RNF213: variants seen among roughly 807,000 people sequenced by gnomAD.
RNF213 encodes E3 ubiquitin-protein ligase RNF213.
In RNF213, 341 loss-of-function variants were observed where a neutral mutation model predicts 514.4. The ratio of observed to expected loss-of-function variants is 0.66; its 90% confidence interval spans 0.61 to 0.73. The LOEUF (loss-of-function observed/expected upper bound fraction) is 0.73, where lower values mean the gene tolerates loss of function less well. RNF213 is among the 30% of genes least tolerant of loss of function. The probability of loss-of-function intolerance (pLI) is 0.00; values close to 1 mark genes in which losing one functional copy is unlikely to be tolerated. For missense variants in RNF213, 5,767 were observed against 6,615.6 expected (o/e 0.87, Z 4.45); for synonymous variants, 2,655 against 2,658.2 (o/e 1.00, Z 0.04).
At chr17:80,359,963 T>G in intron 37 of RNF213, 98 bp from the exon 38 acceptor site, 1 of 1,307,646 alleles carries the variant, frequency 7.6e-7, no homozygotes, top group Non-Finnish European at 1.1e-6. Context: ...CCTTTGTTTT[T>G]GAGGTCTGAG....
chr17:80,311,627 A>G (rs2045577119), intron 14 of RNF213, among the ~76,000 whole-genome samples: 1 of 151,918 alleles, frequency 6.6e-6, no homozygotes, highest in South Asian at 2.1e-4. Context: ...GGCCCTTCCC[A>G]GGTATAGTGA....
At chr17:80,276,013 G>A (rs2145177843) in intron 3 of RNF213, among the ~76,000 whole-genome samples, 1 of 151,326 alleles carries the variant, frequency 6.6e-6, no homozygotes, top group Admixed American at 6.6e-5. Context: ...GGTGTTTAAG[G>A]AAATCTCTAT....
In RNF213 at chr17:80,336,313, T is replaced by G; in HGVS notation, c.4462T>G (p.Phe1488Val). The G allele has an allele frequency of 6.5e-7, 1 of 1,537,254 alleles. No individual in the cohort carries two copies. Among genetic ancestry groups the G allele is most frequent in the Non-Finnish European group, 8.7e-7 (1 of 1,146,920 alleles). Residue 1488 changes from phenylalanine (F) to valine (V), a missense_variant, in exon 23 of 68, where the codon TTC becomes GTC. Phe to Val is a conservative substitution (Grantham distance 50). Coordinates refer to ENST00000582970, the MANE Select transcript of RNF213 (RefSeq NM_001256071.3). ...KLDPSVDFSA[F>V]MKHLKKLWKA... ...GGACCCCAGCGTGGACTTCAGTGCATTCATGAAGCATCTGAAAAAGCTGTG... is the reference window on the plus strand; with the variant it reads ...GGACCCCAGCGTGGACTTCAGTGCAGTCATGAAGCATCTGAAAAAGCTGTG...
intron 28 of RNF213, 70 bp downstream of exon 28, chr17:80,344,085 A>T (rs2078239488): frequency 6.5e-7 from 1 of 1,544,188 alleles, no homozygotes; most frequent in African/African-American, 1.4e-5. Context: ...ACTGAAGTGG[A>T]ATGGCGCGTT....
chr17:80,296,033 C>T (rs2044930441), intron 10 of RNF213, among the ~76,000 whole-genome samples: 1 of 151,900 alleles, frequency 6.6e-6, no homozygotes, highest in African/African-American at 2.4e-5. Context: ...CTTTTGTTTT[C>T]CCCCCAGACG....
intron 7 of RNF213, 74 bp from the exon 8 acceptor site, chr17:80,291,554 T>A: frequency 7.0e-7 from 1 of 1,434,968 alleles, no homozygotes; most frequent in South Asian, 1.2e-5. Flanking sequence ...TTGCACTCCA[T>A]GCTACGTTTG....
rs546855705 is a variant in RNF213 at position 80,288,907 on chromosome 17, GGA to G, written c.933+160_933+161del. ...GCCTTCGGGGTGCTCACATTCCAGCGGAGAGAGAGTCAGGAAACCGACTTCAG... is the reference window on the plus strand; with the variant it reads ...GCCTTCGGGGTGCTCACATTCCAGCGGAGAGAGTCAGGAAACCGACTTCAG... On this transcript the variant is annotated intron_variant, in intron 5 of 67. Transcript: ENST00000582970. This position sits in a 1 kb window ranked among gnomAD's most constrained non-coding sequence, Gnocchi z 4.9. The G allele has an allele frequency of 1.4e-5, 20 of 1,386,844 alleles. No individual in the cohort carries two copies. The highest frequency in any genetic ancestry group is 7.2e-5 in the African/African-American group (5 of 69,704). 85.9% of individuals were successfully genotyped at this position (1,386,844 alleles called of 1,614,324 possible).
intron 3 of RNF213, among the ~76,000 whole-genome samples, chr17:80,283,035 C>T (rs549717423): frequency 4.6e-5 from 7 of 152,212 alleles, no homozygotes; most frequent in African/African-American, 1.7e-4. Context: ...ATCCTAAAAG[C>T]TCTAGAAAAT....
intron 36 of RNF213, among the ~76,000 whole-genome samples, chr17:80,356,916 T>C (rs868711444): frequency 8.4e-6 from 1 of 118,632 alleles, no homozygotes; most frequent in Admixed American, 8.2e-5. Flanking sequence ...ATTAATTACC[T>C]TGTGGGGTTT....
rs2078626797 is a variant in RNF213 at position 80,353,855 on chromosome 17, C to T, written c.10579-164C>T. 1.7e-6 allele frequency: 2 copies of T among 1,186,930 alleles called. No homozygotes were observed. Among genetic ancestry groups the T allele is most frequent in the Non-Finnish European group, 2.4e-6 (2 of 820,468 alleles). 73.5% of individuals were successfully genotyped at this position (1,186,930 alleles called of 1,614,324 possible). A position where few individuals can be genotyped will look rare whatever the true frequency, so the allele number is the denominator to read the frequency against. On this transcript the variant is annotated intron_variant, in intron 34 of 67. Coordinates refer to ENST00000582970, the MANE Select transcript of RNF213 (RefSeq NM_001256071.3). The surrounding 1 kb of genome is among the most constrained non-coding windows in gnomAD (Gnocchi z 5.0). ...TGGGGGTCAAGGGCATCTGCACCGG[C>T]AGTTTGGGGGGTGCAGGGCGGAGGT...
intron 7 of RNF213, 114 bp downstream of exon 7, chr17:80,290,842 C>T (rs2143301883): frequency 2.5e-6 from 3 of 1,207,566 alleles, no homozygotes; most frequent in Admixed American, 2.0e-5. Flanking sequence ...CGGAGTCTTG[C>T]TGTGTCACCC....
chr17:80,272,110 CCT>C (rs2043843534), intron 2 of RNF213, among the ~76,000 whole-genome samples: 1 of 151,458 alleles, frequency 6.6e-6, no homozygotes, highest in Non-Finnish European at 1.5e-5. Context: ...TGCTGAAACC[CCT>C]GTCTCTACTA....
intron 20 of RNF213, 42 bp downstream of exon 20, chr17:80,328,519 G>A (rs2046335874): frequency 1.3e-6 from 2 of 1,533,172 alleles, no homozygotes; most frequent in Non-Finnish European, 1.7e-6. Context: ...GGCTCTCAAA[G>A]GGTTAGAGGA....
At chr17:80,350,428 G>A (rs920023800) in intron 31 of RNF213, 32 bp downstream of exon 31, 23 of 1,421,978 alleles carry the variant, frequency 1.6e-5, no homozygotes, top group Non-Finnish European at 2.0e-5. Flanking sequence ...CAGAAACTAT[G>A]TAAAAAACCC....
At chr17:80,272,502 C>G (rs1358439497) in intron 2 of RNF213, among the ~76,000 whole-genome samples, 1 of 152,216 alleles carries the variant, frequency 6.6e-6, no homozygotes. Flanking sequence ...GGGTGCTAAT[C>G]CATTCCCGAG....
At chr17:80,307,282 C>A (rs775431499) in intron 13 of RNF213, 81 bp downstream of exon 13, 160 of 1,200,292 alleles carry the variant, frequency 1.3e-4, no homozygotes, top group Non-Finnish European at 1.8e-4. Context: ...TGGCCGTGAC[C>A]CACATGTGCT....
At chr17:80,352,670 C>T (rs1268448890) in intron 32 of RNF213, 1 of 622,580 alleles carries the variant, frequency 1.6e-6, no homozygotes, top group Non-Finnish European at 2.9e-6. Flanking sequence ...AACCACAGGC[C>T]TTATCCATGC....
At position 80,339,347 on chromosome 17, in the gene RNF213, G is replaced by A. The variant is rs2078081627; in HGVS notation, c.4980G>A (p.Val1660=). 1 of 1,537,166 alleles carries A rather than the reference G, an allele frequency of 6.5e-7. No homozygotes were observed. The highest frequency in any genetic ancestry group is 1.4e-5 in the African/African-American group (1 of 73,050). ...SLQMDFGLDL[V]TELKEGGDVT... ...AAATGGACTTTGGCTTGGACCTGGTGACGGAGCTTAAAGAAGGTGGAGATG... is the reference window on the plus strand; with the variant it reads ...AAATGGACTTTGGCTTGGACCTGGTAACGGAGCTTAAAGAAGGTGGAGATG... The change falls in exon 26 of 68, where the codon GTG becomes GTA. Residue 1660 remains valine (V), a synonymous_variant. Transcript: ENST00000582970.
chr17:80,268,328 T>G (rs1327453275), intron 2 of RNF213, among the ~76,000 whole-genome samples: 40 of 123,236 alleles, frequency 3.2e-4, no homozygotes, highest in African/African-American at 1.3e-3. Context: ...CACTCCAGCC[T>G]GGGTCGACAG....
Sources: gnomAD v4.1 joint callset for allele counts (sites outside exome capture counted in the v4.1 genomes callset) on GRCh38, gnomAD v4.1.1 for gene constraint, Gnocchi (gnomAD v3.1) non-coding constraint, MANE v1.5 for transcripts, NCBI Gene and HGNC (gene_info 2026-07-23, HGNC 2026-07-21) for gene names.